The following AMER1 variants were observed in gnomAD, a reference collection of about 807,000 sequenced individuals.
AMER1 encodes APC membrane recruitment protein 1.
AMER1 carries 16 observed loss-of-function variants against 53.0 expected under a neutral mutation model. The observed-to-expected ratio is 0.30, with a 90% confidence interval of 0.20 to 0.46. AMER1 has a LOEUF of 0.46. AMER1 is among the 20% of genes least tolerant of loss of function. The pLI is 1.00. For missense variants in AMER1, 947 were observed against 884.9 expected, an observed-to-expected ratio of 1.07 and a Z score of -0.89; for synonymous variants, 354 against 331.9, an observed-to-expected ratio of 1.07 and a Z score of -0.73.
rs182489467 is a variant in AMER1, at chrX:64,195,183, T to C, written c.-98-1799A>G. On this transcript the variant is annotated intron_variant, in intron 1 of 1. Coordinates refer to ENST00000374869, the MANE Select transcript of AMER1 (RefSeq NM_152424.4). ...CTCCAAATACACACACAATCACACC[T>C]AAACACACAATCACCCAGTTTTCTG... Among the ~76,000 whole-genome samples, 26 of 111,501 alleles carry C rather than the reference T, an allele frequency of 2.3e-4. No individual in the cohort carries two copies. In the Admixed American group the frequency reaches 2.5e-3, roughly 11 times the overall value.
In AMER1 at chrX:64,189,793, A is replaced by ACGGGGCGCCCCCCCCCCC; in HGVS notation, c.*85_*86insGGGGGGGGGGGCGCCCCG. On this transcript the variant is annotated 3_prime_UTR_variant, in exon 2 of 2. Transcript: ENST00000374869. ...CAAAGGGTTTTCAAGTTAAACAACAACCCCCACCCCCCCACCCTTCTGCCC... is the reference window on the plus strand; with the variant it reads ...CAAAGGGTTTTCAAGTTAAACAACAACGGGGCGCCCCCCCCCCCCCCCCACCCCCCCACCCTTCTGCCC... 1 of 292,074 alleles carries ACGGGGCGCCCCCCCCCCC rather than the reference A, an allele frequency of 3.4e-6. No homozygotes were observed. The highest frequency in any genetic ancestry group is 4.9e-6 in the Non-Finnish European group (1 of 204,832). The allele number at this position is 292,074 out of a possible 1,213,427, so 24.1% of individuals were successfully genotyped here. A position where few individuals can be genotyped will look rare whatever the true frequency, so the allele number is the denominator to read the frequency against.
chrX:64,189,514 G>GTGTGTGTGTGTGTATATATATA lies in AMER1; in HGVS notation c.*364_*365insTATATATATACACACACACACA, dbSNP rs1205241247. ...TGTGTGTGTGTGTGTGTGTGTGTGT[G>GTGTGTGTGTGTGTATATATATA]TATATATATATATATATATATATAT... On this transcript the variant is annotated 3_prime_UTR_variant, in exon 2 of 2. Transcript: ENST00000374869. 1 of 28,071 alleles carries GTGTGTGTGTGTGTATATATATA rather than the reference G, an allele frequency of 3.6e-5. No homozygotes were observed. The highest frequency in any genetic ancestry group is 1.7e-4 in the African/African-American group (1 of 5,948). The allele number at this position is 28,071 out of a possible 1,213,427, so 2.3% of individuals were successfully genotyped here. A position where few individuals can be genotyped will look rare whatever the true frequency, so the allele number is the denominator to read the frequency against.
chrX:64,205,659 C>T lies in AMER1; in HGVS notation c.-188G>A, dbSNP rs1479674724. Reference sequence around the variant, plus strand: ...TCGGCTGCCACGGCTGAGAGCGCCGCCACCGCAGCTGCTGCCGCCGTCGCC... The same window carrying T: ...TCGGCTGCCACGGCTGAGAGCGCCGTCACCGCAGCTGCTGCCGCCGTCGCC... On this transcript the variant is annotated 5_prime_UTR_variant, in exon 1 of 2. Coordinates refer to ENST00000374869, the MANE Select transcript of AMER1 (RefSeq NM_152424.4). The T allele has an allele frequency of 8.9e-6, 1 of 112,332 alleles. No individual in the cohort carries two copies. Among genetic ancestry groups the T allele is most frequent in the Non-Finnish European group, 1.9e-5 (1 of 53,400 alleles). The allele number at this position is 112,332 out of a possible 1,213,427, so 9.3% of individuals were successfully genotyped here.
At position 64,189,768 on chromosome X, in the gene AMER1, C is replaced by G. The variant is rs1930197974; in HGVS notation, c.*111G>C. The G allele has an allele frequency of 2.7e-6, 3 of 1,122,310 alleles. No individual in the cohort carries two copies. Among genetic ancestry groups the G allele is most frequent in the Admixed American group, 2.8e-5 (1 of 35,912 alleles). 92.5% of individuals were successfully genotyped at this position (1,122,310 alleles called of 1,213,427 possible). ...AAACTCACAGGAGTTTTCCTTGGCC[C>G]AAAGGGTTTTCAAGTTAAACAACAA... On this transcript the variant is annotated 3_prime_UTR_variant, in exon 2 of 2. Transcript: ENST00000374869.
At chrX:64,200,964 G>A (rs1930475125) in intron 1 of AMER1, among the ~76,000 whole-genome samples, 1 of 111,534 alleles carries the variant, frequency 9.0e-6, no homozygotes, top group Non-Finnish European at 1.9e-5. Context: ...GGAGGGTTGA[G>A]GCATACTCAC....
At position 64,185,595 on chromosome X, in the gene AMER1, G is replaced by C. The variant is rs552111233; in HGVS notation, c.*4284C>G. On this transcript the variant is annotated 3_prime_UTR_variant, in exon 2 of 2. Transcript: ENST00000374869. The stretch of plus-strand genomic sequence containing the variant: ...AGTGACTATAGGATTGGAAAGTCAG[G>C]GATCAGGCCAGCAAGCCATCACCCT... 2.3e-5 allele frequency: 4 copies of C among 171,524 alleles called. No individual in the cohort carries two copies. Among genetic ancestry groups the C allele is most frequent in the African/African-American group, 1.2e-4 (4 of 33,193 alleles). The allele number at this position is 171,524 out of a possible 1,213,427, so 14.1% of individuals were successfully genotyped here.
chrX:64,199,256 G>A (rs747019472), intron 1 of AMER1, among the ~76,000 whole-genome samples: 12 of 112,175 alleles, frequency 1.1e-4, no homozygotes, highest in Non-Finnish European at 1.9e-4. Flanking sequence ...TCATCCTGAC[G>A]GGCTTTGGTC....
chrX:64,189,792 A>AGCGGGGG lies in AMER1; in HGVS notation c.*86_*87insCCCCCGC. 3 of 746,967 alleles carry AGCGGGGG rather than the reference A, an allele frequency of 4.0e-6. No homozygotes were observed. Among genetic ancestry groups the AGCGGGGG allele is most frequent in the Non-Finnish European group, 3.4e-6 (2 of 590,424 alleles). The allele number at this position is 746,967 out of a possible 1,213,427, so 61.6% of individuals were successfully genotyped here. A position where few individuals can be genotyped will look rare whatever the true frequency, so the allele number is the denominator to read the frequency against. On this transcript the variant is annotated 3_prime_UTR_variant, in exon 2 of 2. Coordinates refer to ENST00000374869, the MANE Select transcript of AMER1 (RefSeq NM_152424.4). ...CCAAAGGGTTTTCAAGTTAAACAAC[A>AGCGGGGG]ACCCCCACCCCCCCACCCTTCTGCC... is the stretch of plus-strand genomic sequence containing the variant.
chrX:64,189,793 A>ACCGGC lies in AMER1; in HGVS notation c.*85_*86insGCCGG. Reference sequence around the variant, plus strand: ...CAAAGGGTTTTCAAGTTAAACAACAACCCCCACCCCCCCACCCTTCTGCCC... The same window carrying ACCGGC: ...CAAAGGGTTTTCAAGTTAAACAACAACCGGCCCCCCACCCCCCCACCCTTCTGCCC... On this transcript the variant is annotated 3_prime_UTR_variant, in exon 2 of 2. Coordinates refer to ENST00000374869, the MANE Select transcript of AMER1 (RefSeq NM_152424.4). 7 of 292,064 alleles carry ACCGGC rather than the reference A, an allele frequency of 2.4e-5. No individual in the cohort carries two copies. The highest frequency in any genetic ancestry group is 8.5e-5 in the Admixed American group (1 of 11,827). The allele number at this position is 292,064 out of a possible 1,213,427, so 24.1% of individuals were successfully genotyped here.
Position 64,186,714 on chromosome X carries a change from T to C in AMER1, c.*3165A>G. 1.3e-6 allele frequency: 1 copy of C among 776,044 alleles called. No homozygotes were observed. The highest frequency in any genetic ancestry group is 1.5e-6 in the Non-Finnish European group (1 of 651,843). The allele number at this position is 776,044 out of a possible 1,213,427, so 64.0% of individuals were successfully genotyped here. The stretch of plus-strand genomic sequence containing the variant: ...CCATTATCCGGGCAGTCTTGTGGCC[T>C]GGTACCCAAGCTGAGGCCAGATAGG... On this transcript the variant is annotated 3_prime_UTR_variant, in exon 2 of 2. Transcript: ENST00000374869.
chrX:64,202,861 C>T (rs1344214861), intron 1 of AMER1, among the ~76,000 whole-genome samples: 1 of 111,839 alleles, frequency 8.9e-6, no homozygotes, highest in African/African-American at 3.3e-5. Flanking sequence ...CTCTTTGATG[C>T]CGCCTTCCCC....
intron 1 of AMER1, 125 bp from the exon 2 acceptor site, chrX:64,193,509 G>A (rs989158006): frequency 8.1e-6 from 4 of 492,726 alleles, no homozygotes; most frequent in African/African-American, 2.4e-5. Context: ...GAAAATGTGG[G>A]GCAAATCTTA....
At chrX:64,197,288 C>G (rs771561343) in intron 1 of AMER1, among the ~76,000 whole-genome samples, 1 of 113,152 alleles carries the variant, frequency 8.8e-6, no homozygotes, top group South Asian at 3.6e-4. Flanking sequence ...GCTATCATGG[C>G]AGAAAGCAGG....
intron 1 of AMER1, among the ~76,000 whole-genome samples, chrX:64,204,973 A>G (rs1239872504): frequency 8.8e-6 from 1 of 113,205 alleles, no homozygotes; most frequent in Non-Finnish European, 1.9e-5. Flanking sequence ...CACAGGCCCA[A>G]CTGAGCTCCT....
Position 64,188,576 on chromosome X carries a change from A to T in AMER1, c.*1303T>A. The T allele has an allele frequency of 1.0e-5, 8 of 803,992 alleles. No individual in the cohort carries two copies. Among genetic ancestry groups the T allele is most frequent in the Non-Finnish European group, 1.2e-5 (8 of 669,784 alleles). 66.3% of individuals were successfully genotyped at this position (803,992 alleles called of 1,213,427 possible). A position where few individuals can be genotyped will look rare whatever the true frequency, so the allele number is the denominator to read the frequency against. On this transcript the variant is annotated 3_prime_UTR_variant, in exon 2 of 2. Transcript: ENST00000374869. ...TTTAAAGGGCCCAGAACAGCAGCTG[A>T]GATGCCTTTGGTATCCTGTCTTGGG... is the stretch of plus-strand genomic sequence containing the variant.
At position 64,190,490 on chromosome X, in the gene AMER1, C is replaced by T. The variant is rs945869656; in HGVS notation, c.2797G>A (p.Glu933Lys). The change falls in exon 2 of 2, where the codon GAA becomes AAA. Residue 933 changes from glutamate to lysine, a missense_variant. Transcript: ENST00000374869. ...AQQEDSDEEDEEEEEGEWSRD... is the reference protein window; with the variant it reads ...AQQEDSDEEDKEEEEGEWSRD... ...CTCCATTCTCCTTCTTCCTCCTCTT[C>T]GTCCTCCTCATCTGAATCTTCCTGC... 8 of 1,210,466 alleles carry T rather than the reference C, an allele frequency of 6.6e-6. No individual in the cohort carries two copies. Among genetic ancestry groups the T allele is most frequent in the African/African-American group, 5.2e-5 (3 of 57,341 alleles).
chrX:64,202,431 C>A (rs1031009662), intron 1 of AMER1, among the ~76,000 whole-genome samples: 8 of 111,779 alleles, frequency 7.2e-5, no homozygotes, highest in African/African-American at 2.3e-4. Context: ...AGAGCCACTG[C>A]ACGGGAAGCA....
rs780779666 is a variant in AMER1, at chrX:64,190,142, G to A, written c.3145C>T (p.Arg1049Ter). ...TCATCAACAGGCAGCAGCACATCTC[G>A]AGGCCTGGCCCTCATGCTCTGGGAG... is the stretch of plus-strand genomic sequence containing the variant. ...QASQSMRARP[R>*]DVLLPVDEPS... is the part of the protein sequence containing the mutation. Residue 1049 changes from arginine to a stop codon, truncating the protein, a stop_gained, in exon 2 of 2, where the codon CGA becomes TGA. Transcript: ENST00000374869. LOFTEE classifies it high-confidence loss of function. 3 of 1,208,639 alleles carry A rather than the reference G, an allele frequency of 2.5e-6. No individual in the cohort carries two copies. Among genetic ancestry groups the A allele is most frequent in the Admixed American group, 2.2e-5 (1 of 45,831 alleles).
intron 1 of AMER1, 34 bp from the exon 2 acceptor site, chrX:64,193,418 C>A: frequency 1.0e-6 from 1 of 992,640 alleles, no homozygotes; most frequent in Admixed American, 2.5e-5. Context: ...GACAGAGAGA[C>A]AGATACTAGT....
Sources: gnomAD v4.1 joint callset for allele counts (sites outside exome capture counted in the v4.1 genomes callset) on GRCh38, gnomAD v4.1.1 for gene constraint, MANE v1.5 for transcripts, NCBI Gene and HGNC (gene_info 2026-07-23, HGNC 2026-07-21) for gene names.